The following DSCAML1 variants were observed in gnomAD, a reference collection of about 807,000 sequenced individuals.
The protein encoded by DSCAML1 is cell adhesion molecule DSCAML1.
In DSCAML1, 38 loss-of-function variants were observed where a neutral mutation model predicts 200.5. That is an observed-to-expected ratio of 0.19 (90% confidence interval 0.15 to 0.25). The LOEUF is 0.25. Among genes scored for constraint, DSCAML1 ranks in the 10% least tolerant of loss-of-function variants. The pLI, the probability that DSCAML1 is intolerant of heterozygous loss-of-function variation, is 1.00. For missense variants in DSCAML1, 2,223 were observed against 2,858.8 expected (o/e 0.78, Z 5.07); for synonymous variants, 1,215 against 1,165.0 (o/e 1.04, Z -0.87).
chr11:117,436,997 C>T, intron 26 of DSCAML1, 125 bp downstream of exon 26: 3 of 1,329,668 alleles, frequency 2.3e-6, no homozygotes, highest in Non-Finnish European at 3.0e-6. Context: ...GCCAGCATTT[C>T]CCCCACCTGC....
intron 3 of DSCAML1, among the ~76,000 whole-genome samples, chr11:117,631,441 A>C (rs549358578): frequency 2.6e-5 from 4 of 152,264 alleles, no homozygotes; most frequent in Non-Finnish European, 1.5e-5. Context: ...GCCAATGTTC[A>C]CCTGGCACAC....
intron 3 of DSCAML1, among the ~76,000 whole-genome samples, chr11:117,595,086 A>ACACACACACACC (rs1390906555): frequency 6.6e-6 from 1 of 151,804 alleles, no homozygotes; most frequent in African/African-American, 2.4e-5. Flanking sequence ...ACACACACAC[A>ACACACACACACC]CACCCTTTGA....
At chr11:117,610,827 C>A (rs528928874) in intron 3 of DSCAML1, among the ~76,000 whole-genome samples, 1 of 131,424 alleles carries the variant, frequency 7.6e-6, no homozygotes, top group African/African-American at 2.8e-5. Context: ...AACCCCTAAA[C>A]CAAACCAAAA....
chr11:117,612,296 T>A (rs2051711365), intron 3 of DSCAML1, among the ~76,000 whole-genome samples: 1 of 152,202 alleles, frequency 6.6e-6, no homozygotes, highest in African/African-American at 2.4e-5. Context: ...ACCTTCAGAC[T>A]GCATTATTCC....
At chr11:117,641,008 G>A (rs2052395225) in intron 3 of DSCAML1, among the ~76,000 whole-genome samples, 1 of 152,138 alleles carries the variant, frequency 6.6e-6, no homozygotes, top group African/African-American at 2.4e-5. Context: ...AAGCTTATTT[G>A]GTCTGTACTA....
In DSCAML1 at chr11:117,430,733, C is replaced by T. The variant is rs1308277202; in HGVS notation, c.5675G>A (p.Arg1892Gln). 2.5e-6 allele frequency: 4 copies of T among 1,611,636 alleles called. No individual in the cohort carries two copies. Among genetic ancestry groups the T allele is most frequent in the Admixed American group, 1.7e-5 (1 of 59,978 alleles). The change falls in exon 32 of 33, where the codon CGG becomes CAG. Residue 1892 changes from arginine to glutamine, a missense_variant. Transcript: ENST00000651296. ...GTCTGAGCACTCACTCTTGTTGGCCCGGTGAGGGATGGGCACAGCCACGTT... is the reference window on the plus strand; with the variant it reads ...GTCTGAGCACTCACTCTTGTTGGCCTGGTGAGGGATGGGCACAGCCACGTT... ...GKNVAVPIPH[R>Q]ANKSDYCNLP...
chr11:117,713,675 G>A (rs147080056), intron 3 of DSCAML1, among the ~76,000 whole-genome samples: 111 of 152,280 alleles, frequency 7.3e-4, no homozygotes, highest in African/African-American at 2.5e-3. Context: ...CAAACATAAT[G>A]AACATAAAAA....
At chr11:117,689,674 C>T (rs1002915565) in intron 3 of DSCAML1, among the ~76,000 whole-genome samples, 3 of 152,156 alleles carry the variant, frequency 2.0e-5, no homozygotes, top group Admixed American at 2.0e-4. Context: ...ACTCAGGAGC[C>T]TCCCAAGGAG....
In DSCAML1 at chr11:117,524,992, C is replaced by G; in HGVS notation, c.750G>C (p.Ser250=). 6.2e-7 allele frequency: 1 copy of G among 1,611,578 alleles called. No individual in the cohort carries two copies. The highest frequency in any genetic ancestry group is 8.5e-7 in the Non-Finnish European group (1 of 1,179,232). The stretch of plus-strand genomic sequence containing the variant: ...AGCGGATGGCGGGGATAGGGTAGCC[C>G]GAGGCGGTGCAGGGCAGCTCCACGG... ...GHTVELPCTA[S]GYPIPAIRWL... is the part of the protein sequence containing the mutation. The change falls in exon 5 of 33, where the codon TCG becomes TCC. Residue 250 remains serine (S), a synonymous_variant. Transcript: ENST00000651296.
chr11:117,661,163 T>C (rs1393854379), intron 3 of DSCAML1, among the ~76,000 whole-genome samples: 2 of 152,182 alleles, frequency 1.3e-5, no homozygotes, highest in East Asian at 1.9e-4. Flanking sequence ...AGGGTTGGGC[T>C]CAGCCTTCTC....
rs36226708 is a variant in DSCAML1 at position 117,575,846 on chromosome 11, C to CCAAAACAAAA, written c.512-43334_512-43325dup. 3.1e-3 allele frequency among the ~76,000 whole-genome samples: 462 copies of CCAAAACAAAA among 150,424 alleles called. 3 individuals carry two copies. The highest frequency in any genetic ancestry group is 0.01 in the African/African-American group (428 of 40,806). On this transcript the variant is annotated intron_variant, in intron 3 of 32. Transcript: ENST00000651296. ...GATCCTGTCCAAAAACAAAAACAAC[C>CCAAAACAAAA]CAAAACAAAACAAAACAAAACAAAA...
At chr11:117,771,655 C>T (rs1449605265) in intron 3 of DSCAML1, among the ~76,000 whole-genome samples, 1 of 152,210 alleles carries the variant, frequency 6.6e-6, no homozygotes, top group African/African-American at 2.4e-5. Context: ...AACCGGAAGA[C>T]CGGCTCACAT....
In DSCAML1 at chr11:117,780,295, A is replaced by G. The variant is rs1221984799; in HGVS notation, c.364+198T>C. Among the ~76,000 whole-genome samples the G allele has an allele frequency of 9.4e-6, 1 of 106,786 alleles. No homozygotes were observed. Among genetic ancestry groups the G allele is most frequent in the Non-Finnish European group, 2.2e-5 (1 of 45,540 alleles). 70.1% of individuals were successfully genotyped at this position (106,786 alleles called of 152,430 possible). On this transcript the variant is annotated intron_variant, in intron 2 of 32. Transcript: ENST00000651296. The surrounding 1 kb of genome is among the most constrained non-coding windows in gnomAD (Gnocchi z 4.8). ...AAGAAAGAAAGAAAGAAAGAAAGAA[A>G]GAAAGAAAGAGAGAAAGGAGAAAGA...
intron 3 of DSCAML1, among the ~76,000 whole-genome samples, chr11:117,732,276 T>G (rs1356544845): frequency 6.6e-6 from 1 of 152,200 alleles, no homozygotes; most frequent in East Asian, 1.9e-4. Flanking sequence ...TTTTCCAAAA[T>G]AAGACACAGG....
intron 3 of DSCAML1, among the ~76,000 whole-genome samples, chr11:117,616,811 TAAAATA>T (rs886509172): frequency 6.6e-6 from 1 of 152,216 alleles, no homozygotes; most frequent in African/African-American, 2.4e-5. Context: ...AAACATTTAT[TAAAATA>T]AACATTAAAA....
At chr11:117,608,760 T>C (rs1364045290) in intron 3 of DSCAML1, among the ~76,000 whole-genome samples, 1 of 152,246 alleles carries the variant, frequency 6.6e-6, no homozygotes, top group Non-Finnish European at 1.5e-5. Context: ...CTACAGGAAA[T>C]AATATTCTTC....
Position 117,461,522 on chromosome 11 carries a change from G to A in DSCAML1, c.3340C>T (p.Pro1114Ser). The A allele has an allele frequency of 1.2e-6, 2 of 1,614,200 alleles. No individual in the cohort carries two copies. The highest frequency in any genetic ancestry group is 8.5e-7 in the Non-Finnish European group (1 of 1,180,036). ...SDVAVISWSE[P>S]PRSTLNGVLK... is the part of the protein sequence containing the mutation. ...ACGCCATTGAGGGTGCTGCGCGGGG[G>A]CTCTGACCAGGAGATGACGGCCACG... The change falls in exon 18 of 33, where the codon CCC becomes TCC. Residue 1114 changes from proline (P) to serine (S), a missense_variant. Transcript: ENST00000651296.
At chr11:117,612,700 T>C (rs941963319) in intron 3 of DSCAML1, among the ~76,000 whole-genome samples, 1 of 152,168 alleles carries the variant, frequency 6.6e-6, no homozygotes, top group African/African-American at 2.4e-5. Flanking sequence ...TGCAGAAGCC[T>C]GGTGTGCCCA....
At chr11:117,718,985 C>T (rs1247964619) in intron 3 of DSCAML1, among the ~76,000 whole-genome samples, 1 of 152,080 alleles carries the variant, frequency 6.6e-6, no homozygotes, top group African/African-American at 2.4e-5. Context: ...GTGTTCAAAT[C>T]CAAGTTTGCA....
Sources: gnomAD v4.1 joint callset for allele counts (sites outside exome capture counted in the v4.1 genomes callset) on GRCh38, gnomAD v4.1.1 for gene constraint, Gnocchi (gnomAD v3.1) non-coding constraint, MANE v1.5 for transcripts, NCBI Gene and HGNC (gene_info 2026-07-23, HGNC 2026-07-21) for gene names.